Variants in NRG3 observed in about 807,000 individuals in gnomAD.
NRG3 encodes the protein neuregulin 3.
Under a neutral mutation model 66.9 loss-of-function variants are expected in NRG3, and 31 were observed. The ratio of observed to expected loss-of-function variants is 0.46; its 90% CI spans 0.35 to 0.63. The LOEUF (loss-of-function observed/expected upper bound fraction) is 0.63. Ranked by LOEUF, NRG3 falls within the 20% of genes least tolerant of loss-of-function variation. The probability of loss-of-function intolerance (pLI) is 0.00; values close to 1 mark genes in which losing one functional copy is unlikely to be tolerated. For missense variants in NRG3, 910 were observed against 878.9 expected (o/e 1.04, Z -0.45); for synonymous variants, 393 against 359.4 (o/e 1.09, Z -1.06).
intron 3 of NRG3, among the ~76,000 whole-genome samples, chr10:82,766,378 C>T (rs537659911): frequency 1.7e-4 from 26 of 152,192 alleles, no homozygotes; most frequent in African/African-American, 5.8e-4. Flanking sequence ...TGAACAATAA[C>T]AAAAATGACC....
In NRG3 at chr10:82,240,306, TA is replaced by T. The variant is rs533686818; in HGVS notation, c.824-118425del. ...AATTGGTAAATTATATGCATTTGAA[TA>T]AAAAAAATCATTAACAGACTTTTAT... On this transcript the variant is annotated intron_variant, in intron 1 of 8. Coordinates refer to ENST00000372141, the MANE Select transcript of NRG3 (RefSeq NM_001010848.4). Among the ~76,000 whole-genome samples the T allele has an allele frequency of 3.4e-4, 52 of 152,160 alleles. 1 individual carries two copies. The South Asian group carries it at 5.4e-3, about 16-fold the overall frequency.
intron 3 of NRG3, among the ~76,000 whole-genome samples, chr10:82,762,465 A>C (rs1486115311): frequency 6.6e-6 from 1 of 152,206 alleles, no homozygotes; most frequent in African/African-American, 2.4e-5. Context: ...ATGCAAACTC[A>C]ATTCATTGAA....
At chr10:82,204,442 G>A (rs115690033) in intron 1 of NRG3, among the ~76,000 whole-genome samples, 1,749 of 152,268 alleles carry the variant, frequency 0.011, 23 homozygotes, top group African/African-American at 0.04. Flanking sequence ...GTCAGTGGAG[G>A]ACAACCACTG....
At chr10:82,855,129 G>T (rs1365988984) in intron 3 of NRG3, among the ~76,000 whole-genome samples, 2 of 152,108 alleles carry the variant, frequency 1.3e-5, no homozygotes, top group Non-Finnish European at 2.9e-5. Flanking sequence ...GCAGCTCAGA[G>T]CAGTGTTTCT....
At chr10:82,158,416 T>A (rs2071336432) in intron 1 of NRG3, among the ~76,000 whole-genome samples, 1 of 151,802 alleles carries the variant, frequency 6.6e-6, no homozygotes, top group Admixed American at 6.6e-5. Flanking sequence ...TGTGCTCCTG[T>A]GAGCATGTCT....
intron 1 of NRG3, among the ~76,000 whole-genome samples, chr10:82,030,717 C>T (rs1346223004): frequency 6.7e-6 from 1 of 148,410 alleles, no homozygotes; most frequent in African/African-American, 2.5e-5. Flanking sequence ...AAAAAGGGAC[C>T]TCCACTGTCA....
intron 1 of NRG3, among the ~76,000 whole-genome samples, chr10:82,123,341 C>T (rs2068215539): frequency 1.3e-5 from 2 of 151,944 alleles, no homozygotes; most frequent in African/African-American, 4.8e-5. Flanking sequence ...CTCATTTTTT[C>T]GTTTAATACA....
At chr10:82,000,200 T>C (rs909638232) in intron 1 of NRG3, among the ~76,000 whole-genome samples, 2 of 152,240 alleles carry the variant, frequency 1.3e-5, no homozygotes, top group African/African-American at 4.8e-5. Context: ...TTTCCAATTA[T>C]CAATAAAATT....
At chr10:82,419,054 A>C (rs2088856665) in intron 2 of NRG3, among the ~76,000 whole-genome samples, 1 of 152,150 alleles carries the variant, frequency 6.6e-6, no homozygotes, top group Admixed American at 6.5e-5. Flanking sequence ...ATTAAACTTA[A>C]CCCTACAGGG....
intron 1 of NRG3, among the ~76,000 whole-genome samples, chr10:82,269,947 C>A (rs2078503902): frequency 6.6e-6 from 1 of 152,080 alleles, no homozygotes; most frequent in Non-Finnish European, 1.5e-5. Flanking sequence ...TGAATCTTGG[C>A]AAACTTACAT....
At chr10:82,222,079 A>G (rs2075968138) in intron 1 of NRG3, among the ~76,000 whole-genome samples, 1 of 151,884 alleles carries the variant, frequency 6.6e-6, no homozygotes, top group South Asian at 2.1e-4. Flanking sequence ...TGTTTGGCCT[A>G]TAGTGGAAGG....
intron 1 of NRG3, among the ~76,000 whole-genome samples, chr10:82,044,738 C>A (rs1048035371): frequency 5.9e-5 from 9 of 151,988 alleles, no homozygotes; most frequent in African/African-American, 1.9e-4. Context: ...CTCCCCACCC[C>A]ACAGAGTGTG....
chr10:82,552,820 T>C (rs1350457251), intron 2 of NRG3, among the ~76,000 whole-genome samples: 1 of 152,104 alleles, frequency 6.6e-6, no homozygotes, highest in Non-Finnish European at 1.5e-5. Context: ...AAGTGATGGG[T>C]TCAAAAACAT....
At chr10:82,487,058 T>A (rs1842741589) in intron 2 of NRG3, among the ~76,000 whole-genome samples, 3 of 148,848 alleles carry the variant, frequency 2.0e-5, no homozygotes. Flanking sequence ...GGTTATTATA[T>A]ATGTATAATA....
chr10:81,884,813 C>T (rs1014897898), intron 1 of NRG3, among the ~76,000 whole-genome samples: 1 of 152,126 alleles, frequency 6.6e-6, no homozygotes. Context: ...TTAATGTGTA[C>T]ATATCGATGA....
chr10:82,811,908 T>C (rs1309327342), intron 3 of NRG3, among the ~76,000 whole-genome samples: 1 of 152,188 alleles, frequency 6.6e-6, no homozygotes, highest in African/African-American at 2.4e-5. Context: ...TGAATAAACA[T>C]GTAAAACACC....
intron 4 of NRG3, among the ~76,000 whole-genome samples, chr10:82,883,399 A>G (rs1842463206): frequency 6.6e-6 from 1 of 152,164 alleles, no homozygotes; most frequent in Non-Finnish European, 1.5e-5. Context: ...GTCTGTCTGT[A>G]TAGCACAATG....
At chr10:82,438,350 G>A in intron 2 of NRG3, among the ~76,000 whole-genome samples, 1 of 152,250 alleles carries the variant, frequency 6.6e-6, no homozygotes, top group Non-Finnish European at 1.5e-5. Flanking sequence ...CAGCCAGTGT[G>A]TTGGGCTGTG....
At chr10:81,894,969 T>C (rs1048988944) in intron 1 of NRG3, among the ~76,000 whole-genome samples, 4 of 152,150 alleles carry the variant, frequency 2.6e-5, no homozygotes, top group East Asian at 1.9e-4. Context: ...CACTGGCTTT[T>C]CAAACGTCAC....
Sources: allele counts gnomAD v4.1 joint callset (sites outside exome capture counted in the v4.1 genomes callset), GRCh38; gene constraint gnomAD v4.1.1; transcripts MANE v1.5; gene names NCBI Gene and HGNC (gene_info 2026-07-23, HGNC 2026-07-21).